Variants in PCLO observed in about 807,000 individuals in gnomAD.
PCLO encodes the protein piccolo presynaptic cytomatrix protein.
A neutral mutation model predicts 427.5 loss-of-function variants in PCLO; 82 were observed. The ratio of observed to expected loss-of-function variants is 0.19; its 90% CI spans 0.16 to 0.23. The LOEUF (loss-of-function observed/expected upper bound fraction) is 0.23, where lower values mean the gene tolerates loss of function less well. Ranked by LOEUF, PCLO falls within the 10% of genes least tolerant of loss-of-function variation. The probability of loss-of-function intolerance (pLI) is 1.00; values close to 1 mark genes in which losing one functional copy is unlikely to be tolerated. For synonymous variants in PCLO, 2,357 were observed against 2,155.4 expected (o/e 1.09, Z -2.59); for missense variants, 6,239 against 6,115.9 (o/e 1.02, Z -0.67).
At chr7:82,832,599 A>G (rs1792122564) in intron 16 of PCLO, among the ~76,000 whole-genome samples, 1 of 151,956 alleles carries the variant, frequency 6.6e-6, no homozygotes, top group Admixed American at 6.6e-5. Context: ...TGTCTGAAAA[A>G]ATTTTTGAAA....
chr7:82,951,162 T>C lies in PCLO; in HGVS notation c.9426A>G (p.Ser3142=). ...AMHHSQPMPR[S]YFITTGASET... ...CAGATGCACCTGTTGTTATAAAATATGATCTAGGCATTGGCTGGCTATGGT... is the reference window on the plus strand; with the variant it reads ...CAGATGCACCTGTTGTTATAAAATACGATCTAGGCATTGGCTGGCTATGGT... Residue 3142 remains serine (S), a synonymous_variant, in exon 6 of 25, where the codon TCA becomes TCG. Transcript: ENST00000333891. 2 of 1,613,772 alleles carry C rather than the reference T, an allele frequency of 1.2e-6. No individual in the cohort carries two copies. Among genetic ancestry groups the C allele is most frequent in the Non-Finnish European group, 1.7e-6 (2 of 1,179,756 alleles).
At position 82,979,865 on chromosome 7, in the gene PCLO, C is replaced by T. The variant is rs368957003; in HGVS notation, c.3301-13378G>A. Among the ~76,000 whole-genome samples, 11 of 152,240 alleles carry T rather than the reference C, an allele frequency of 7.2e-5. No individual in the cohort carries two copies. In the East Asian group the frequency reaches 1.7e-3, roughly 24 times the overall value. On this transcript the variant is annotated intron_variant, in intron 3 of 24. Transcript: ENST00000333891. ...ATTACCATTAGTAATTCTAAAACTA[C>T]AGTATAGTTTAATGGACACATAACA... is the stretch of plus-strand genomic sequence containing the variant.
chr7:83,028,165 T>C (rs1366386300), intron 3 of PCLO, among the ~76,000 whole-genome samples: 3 of 152,190 alleles, frequency 2.0e-5, no homozygotes, highest in South Asian at 4.1e-4. Flanking sequence ...GGAAGTCAAA[T>C]TGTCCCTCTT....
At chr7:83,033,549 C>A (rs528196949) in intron 3 of PCLO, among the ~76,000 whole-genome samples, 5 of 152,228 alleles carry the variant, frequency 3.3e-5, no homozygotes, top group African/African-American at 1.2e-4. Flanking sequence ...ACCTATCATT[C>A]AATATCCATC....
chr7:83,140,058 C>T (rs1194732138), intron 2 of PCLO, among the ~76,000 whole-genome samples: 4 of 152,204 alleles, frequency 2.6e-5, no homozygotes, highest in African/African-American at 4.8e-5. Flanking sequence ...CCAGCATTAA[C>T]GTCACAAACC....
At chr7:83,005,816 T>C (rs528938442) in intron 3 of PCLO, among the ~76,000 whole-genome samples, 1 of 151,722 alleles carries the variant, frequency 6.6e-6, no homozygotes, top group South Asian at 2.1e-4. Context: ...AATACAACTT[T>C]CAAATTACCT....
chr7:82,933,087 C>T (rs1794876386), intron 6 of PCLO, among the ~76,000 whole-genome samples: 1 of 151,906 alleles, frequency 6.6e-6, no homozygotes, highest in Non-Finnish European at 1.5e-5. Flanking sequence ...GTTGCAAAGC[C>T]CTGATTCAAG....
intron 3 of PCLO, among the ~76,000 whole-genome samples, chr7:83,098,105 C>T (rs983201257): frequency 6.6e-6 from 1 of 152,044 alleles, no homozygotes; most frequent in Non-Finnish European, 1.5e-5. Context: ...AGATAAATCT[C>T]TCTCAATATG....
intron 3 of PCLO, among the ~76,000 whole-genome samples, chr7:83,054,236 C>T (rs552100626): frequency 6.6e-6 from 1 of 152,138 alleles, no homozygotes; most frequent in South Asian, 2.1e-4. Flanking sequence ...TAGGAGCTCT[C>T]TTATGCAAAA....
At chr7:82,938,627 T>C (rs1456607844) in intron 6 of PCLO, among the ~76,000 whole-genome samples, 1 of 151,966 alleles carries the variant, frequency 6.6e-6, no homozygotes, top group Non-Finnish European at 1.5e-5. Flanking sequence ...CAAAAACATT[T>C]ACTTAAAGAC....
At chr7:82,776,812 T>TTC (rs765270041) in intron 22 of PCLO, among the ~76,000 whole-genome samples, 61 of 102,542 alleles carry the variant, frequency 5.9e-4, no homozygotes, top group African/African-American at 1.0e-3. Context: ...CTCTCTCTCT[T>TTC]TCTCTCTCTC....
chr7:82,920,705 T>C (rs1236015372), intron 6 of PCLO, among the ~76,000 whole-genome samples: 3 of 151,702 alleles, frequency 2.0e-5, no homozygotes, highest in African/African-American at 7.2e-5. Flanking sequence ...AAAGGAAATT[T>C]TGCTTGTTTT....
intron 9 of PCLO, among the ~76,000 whole-genome samples, chr7:82,895,664 G>C (rs1049738914): frequency 1.3e-5 from 2 of 151,812 alleles, no homozygotes; most frequent in Non-Finnish European, 2.9e-5. Flanking sequence ...GAAATGAAAA[G>C]GATAAAGTAT....
Position 82,758,488 on chromosome 7 carries a change from A to T in PCLO, c.*87T>A. The T allele has an allele frequency of 8.7e-7, 1 of 1,145,396 alleles. No individual in the cohort carries two copies. Among genetic ancestry groups the T allele is most frequent in the Non-Finnish European group, 1.2e-6 (1 of 827,498 alleles). The allele number at this position is 1,145,396 out of a possible 1,614,324, so 71.0% of individuals were successfully genotyped here. A position where few individuals can be genotyped will look rare whatever the true frequency, so the allele number is the denominator to read the frequency against. On this transcript the variant is annotated 3_prime_UTR_variant, in exon 25 of 25. Transcript: ENST00000333891. ...TCCCACTCTTATGTTTGCCTCTCAA[A>T]ACTTAGCTTTGTACAATAGTATTCA...
In PCLO at chr7:82,874,439, C is replaced by T. The variant is rs60058121; in HGVS notation, c.13654+4898G>A. On this transcript the variant is annotated intron_variant, in intron 10 of 24. Coordinates refer to ENST00000333891, the MANE Select transcript of PCLO (RefSeq NM_033026.6). ...TGACGGGCCTGAATCTGGTCTGTAT[C>T]GGAGTCAAAAAGAAGTTTCCCTTCG... Among the ~76,000 whole-genome samples the T allele has an allele frequency of 1.0e-2, 1,520 of 152,060 alleles. 28 individuals are homozygous for T. Among genetic ancestry groups the T allele is most frequent in the African/African-American group, 0.035 (1,462 of 41,468 alleles).
At chr7:83,008,190 A>G (rs996713563) in intron 3 of PCLO, among the ~76,000 whole-genome samples, 5 of 151,760 alleles carry the variant, frequency 3.3e-5, no homozygotes, top group Admixed American at 2.0e-4. Flanking sequence ...TGTGAAAAAT[A>G]AAGATTGTAT....
At chr7:82,794,203 C>T (rs1028141071) in intron 22 of PCLO, among the ~76,000 whole-genome samples, 5 of 151,966 alleles carry the variant, frequency 3.3e-5, no homozygotes, top group African/African-American at 9.6e-5. Flanking sequence ...TGATGTCTCA[C>T]GCTGCAAGTT....
rs777476571 is a variant in PCLO at position 83,118,150 on chromosome 7, A to C, written c.3300+16100T>G. 4.6e-4 allele frequency among the ~76,000 whole-genome samples: 70 copies of C among 152,206 alleles called. 1 individual carries two copies. Among genetic ancestry groups the C allele is most frequent in the Non-Finnish European group, 9.7e-4 (66 of 68,038 alleles). ...TAGACCTTTCAGCTCGCACTATAAC[A>C]AAACAAAAGATTTATAGAGTTTTAA... On this transcript the variant is annotated intron_variant, in intron 3 of 24. Coordinates refer to ENST00000333891, the MANE Select transcript of PCLO (RefSeq NM_033026.6).
At chr7:82,881,032 G>C (rs1386567575) in intron 9 of PCLO, among the ~76,000 whole-genome samples, 1 of 152,100 alleles carries the variant, frequency 6.6e-6, no homozygotes, top group East Asian at 1.9e-4. Context: ...TCAGAACTGA[G>C]AATCCACAAA....
Sources: gnomAD v4.1 joint callset for allele counts (sites outside exome capture counted in the v4.1 genomes callset) on GRCh38, gnomAD v4.1.1 for gene constraint, MANE v1.5 for transcripts, NCBI Gene and HGNC (gene_info 2026-07-23, HGNC 2026-07-21) for gene names.